Variants in QTGAL observed in about 807,000 individuals in gnomAD.
QTGAL encodes the protein BGnT-like protein 1.
At chr17:82,975,721 C>A in the QTGAL span, among the ~76,000 whole-genome samples, 2 of 67,534 alleles carry the variant, frequency 3.0e-5, no homozygotes, top group Admixed American at 2.4e-4. Flanking sequence ...AGTCAGGGCC[C>A]CGGGACAGAG....
chr17:83,009,889 G>A, the QTGAL span, among the ~76,000 whole-genome samples: 1 of 151,334 alleles, frequency 6.6e-6, no homozygotes, highest in African/African-American at 2.4e-5. Context: ...ACTAACATCA[G>A]CTCCCTGGGG....
At chr17:83,006,023 C>T in the QTGAL span, 7 of 1,043,084 alleles carry the variant, frequency 6.7e-6, no homozygotes, top group Admixed American at 5.5e-5. This position sits in a 1 kb window ranked among gnomAD's most constrained non-coding sequence, Gnocchi z 5.8. Context: ...CACCTGGGCG[C>T]GTCCGTAGGA....
chr17:82,957,044 G>T, the QTGAL span: 1 of 1,263,992 alleles, frequency 7.9e-7, no homozygotes, highest in Non-Finnish European at 1.1e-6. Flanking sequence ...CAAGAATGGG[G>T]GCTGGGCTCC....
chr17:82,946,832 CATAAT>C, the QTGAL span: 1 of 1,406,290 alleles, frequency 7.1e-7, no homozygotes, highest in Non-Finnish European at 9.8e-7. Flanking sequence ...GGAAATGAAA[CATAAT>C]AAAGAAACAA....
chr17:82,999,732 G>A, the QTGAL span, among the ~76,000 whole-genome samples: 1,844 of 152,228 alleles, frequency 0.012, 42 homozygotes, highest in African/African-American at 0.042. Flanking sequence ...AGAATCATCT[G>A]TCTGAAATGA....
the QTGAL span, chr17:83,051,765 T>G: frequency 1.3e-6 from 2 of 1,495,426 alleles, no homozygotes; most frequent in Non-Finnish European, 1.8e-6. Context: ...CTGGCTCTCC[T>G]CGGACGCCCC....
chr17:83,027,851 C>T, the QTGAL span, among the ~76,000 whole-genome samples: 149 of 152,194 alleles, frequency 9.8e-4, no homozygotes, highest in Non-Finnish European at 1.8e-3. Flanking sequence ...TGGTGGCTCA[C>T]GCCTGTAATC....
chr17:82,956,631 G>T, the QTGAL span: 2 of 1,460,616 alleles, frequency 1.4e-6, no homozygotes, highest in African/African-American at 2.8e-5. The surrounding 1 kb of genome is among the most constrained non-coding windows in gnomAD (Gnocchi z 5.7). Flanking sequence ...CAGCAGGGCG[G>T]GTTGTCCAGG....
At chr17:82,967,439 G>A in the QTGAL span, among the ~76,000 whole-genome samples, 3 of 152,066 alleles carry the variant, frequency 2.0e-5, no homozygotes, top group African/African-American at 7.2e-5. Context: ...CCATCCTGAG[G>A]AAGGTCGCTG....
At chr17:82,960,964 TGGG>T in the QTGAL span, 1 of 1,472,374 alleles carries the variant, frequency 6.8e-7, no homozygotes, top group Admixed American at 2.2e-5. Context: ...CCACAGCCTC[TGGG>T]GTCGGCCCCA....
At chr17:83,005,124 G>C in the QTGAL span, 1 of 1,607,158 alleles carries the variant, frequency 6.2e-7, no homozygotes, top group Non-Finnish European at 8.5e-7. This position sits in a 1 kb window ranked among gnomAD's most constrained non-coding sequence, Gnocchi z 5.6. Context: ...CCTGGGTTAG[G>C]AGCTGCTCCG....
At chr17:83,013,635 T>C in the QTGAL span, among the ~76,000 whole-genome samples, 1 of 151,142 alleles carries the variant, frequency 6.6e-6, no homozygotes, top group African/African-American at 2.4e-5. Flanking sequence ...CTGACCAGGA[T>C]GTGACCAGAG....
the QTGAL span, among the ~76,000 whole-genome samples, chr17:83,051,086 G>A: frequency 2.4e-4 from 36 of 147,004 alleles, no homozygotes; most frequent in African/African-American, 9.2e-4. Flanking sequence ...CGGGAGCGAG[G>A]CAGGTGCGCG....
the QTGAL span, chr17:83,007,214 T>C: frequency 1.0e-6 from 1 of 984,964 alleles, no homozygotes; most frequent in Non-Finnish European, 1.2e-6. Context: ...GAACCTTTCA[T>C]GTCTCTCTCC....
chr17:82,959,712 G>A, the QTGAL span, among the ~76,000 whole-genome samples: 1 of 151,986 alleles, frequency 6.6e-6, no homozygotes, highest in Non-Finnish European at 1.5e-5. Context: ...GGGCCTCTGT[G>A]GCCGTGGGTG....
chr17:83,026,142 CAG>C, the QTGAL span, among the ~76,000 whole-genome samples: 3 of 152,238 alleles, frequency 2.0e-5, no homozygotes, highest in East Asian at 1.9e-4. Context: ...AATCCAGGCA[CAG>C]AGAGGCCCCC....
the QTGAL span, among the ~76,000 whole-genome samples, chr17:83,010,043 CGGGGGGCTG>C: frequency 5.2e-5 from 2 of 38,164 alleles, no homozygotes; most frequent in Non-Finnish European, 9.5e-5. Context: ...GGCTGCCCGG[CGGGGGGCTG>C]GGGGGGCTGT....
At chr17:83,036,271 A>G in the QTGAL span, among the ~76,000 whole-genome samples, 1 of 152,360 alleles carries the variant, frequency 6.6e-6, no homozygotes, top group East Asian at 1.9e-4. Flanking sequence ...AGAAGGGAGC[A>G]GCTGCTGGGT....
chr17:83,019,780 C>G, the QTGAL span, among the ~76,000 whole-genome samples: 2 of 152,264 alleles, frequency 1.3e-5, no homozygotes, highest in African/African-American at 4.8e-5. Flanking sequence ...CTTGCCCAGG[C>G]TGGAGTGCAG....
Sources: allele counts gnomAD v4.1 joint callset (sites outside exome capture counted in the v4.1 genomes callset), GRCh38; gene constraint gnomAD v4.1.1; non-coding constraint Gnocchi (gnomAD v3.1); transcripts MANE v1.5; gene names NCBI Gene and HGNC (gene_info 2026-07-23, HGNC 2026-07-21).